GLB1L3: variants seen among roughly 807,000 people sequenced by gnomAD.
GLB1L3 encodes beta-galactosidase-1-like protein 3.
Under a neutral mutation model 89.5 loss-of-function variants are expected in GLB1L3, and 89 were observed. That is an observed-to-expected ratio of 0.99 (90% CI 0.84 to 1.19). GLB1L3 has a LOEUF of 1.19. GLB1L3 is among the 50% of genes most tolerant of loss of function. The pLI is 0.00. For missense variants in GLB1L3, 812 were observed against 813.3 expected, an observed-to-expected ratio of 1.00 and a Z score of 0.02; for synonymous variants, 314 against 312.3, an observed-to-expected ratio of 1.01 and a Z score of -0.06.
chr11:134,277,922 G>T lies in GLB1L3; in HGVS notation c.362+10G>T. On this transcript the variant is annotated intron_variant, in intron 3 of 19. Transcript: ENST00000431683. ...TCAATACTGTCACCACGTGAGTGCC[G>T]GCCCCTCACCTCCAGGATCTCGTTA... 2 of 1,612,442 alleles carry T rather than the reference G, an allele frequency of 1.2e-6. No individual in the cohort carries two copies. Among genetic ancestry groups the T allele is most frequent in the Non-Finnish European group, 1.7e-6 (2 of 1,179,362 alleles).
At chr11:134,313,133 C>A (rs1942824901) in intron 15 of GLB1L3, among the ~76,000 whole-genome samples, 1 of 152,186 alleles carries the variant, frequency 6.6e-6, no homozygotes, top group Non-Finnish European at 1.5e-5. Context: ...TGTCCTCAGC[C>A]CCTGGTTGGG....
In GLB1L3 at chr11:134,298,374, A is replaced by G. The variant is rs570724390; in HGVS notation, c.876+5165A>G. Among the ~76,000 whole-genome samples the G allele has an allele frequency of 1.4e-4, 22 of 152,320 alleles. No individual in the cohort carries two copies. In the East Asian group the frequency reaches 3.9e-3, roughly 27 times the overall value. On this transcript the variant is annotated intron_variant, in intron 9 of 19. Transcript: ENST00000431683. Reference sequence around the variant, plus strand: ...AAAAACAACTAAAGCAAAGAAAACCAAAGACCAATTTCCCTTATGAACATG... The same window carrying G: ...AAAAACAACTAAAGCAAAGAAAACCGAAGACCAATTTCCCTTATGAACATG...
intron 18 of GLB1L3, among the ~76,000 whole-genome samples, chr11:134,318,338 A>T (rs1372398973): frequency 6.6e-6 from 1 of 152,176 alleles, no homozygotes; most frequent in Non-Finnish European, 1.5e-5. Context: ...GTTCATCACT[A>T]TTACCTGATA....
At chr11:134,299,661 C>T (rs372493448) in intron 9 of GLB1L3, among the ~76,000 whole-genome samples, 12 of 152,100 alleles carry the variant, frequency 7.9e-5, no homozygotes, top group East Asian at 5.8e-4. Flanking sequence ...CTGTTGCTTG[C>T]GGATCTCTCA....
chr11:134,301,287 A>G (rs986670653), intron 9 of GLB1L3, among the ~76,000 whole-genome samples: 3 of 152,144 alleles, frequency 2.0e-5, no homozygotes, highest in African/African-American at 4.8e-5. Context: ...CGCTGTGAGG[A>G]TGGGATTTAT....
intron 11 of GLB1L3, chr11:134,309,987 C>T: frequency 1.8e-6 from 1 of 570,730 alleles, no homozygotes; most frequent in Non-Finnish European, 3.1e-6. Context: ...CTCCGCTTCA[C>T]ACATCTGGTA....
At chr11:134,305,696 A>G (rs146825549) in intron 9 of GLB1L3, among the ~76,000 whole-genome samples, 1 of 152,192 alleles carries the variant, frequency 6.6e-6, no homozygotes, top group Non-Finnish European at 1.5e-5. Flanking sequence ...AAATCAGGGA[A>G]CATGGAGTTA....
At position 134,277,740 on chromosome 11, in the gene GLB1L3, C is replaced by T; in HGVS notation, c.190C>T (p.Arg64Ter). ...TCTGACCCCTCTGGAGCTGAAGAAT[C>T]GATCTGTGGGACTTGGAACTGAAAG... ...SHLTPLELKN[R>*]SVGLGTESTG... Residue 64 changes from arginine (R) to a stop codon, truncating the protein, a stop_gained, in exon 3 of 20, where the codon CGA becomes TGA. Coordinates refer to ENST00000431683, the MANE Select transcript of GLB1L3 (RefSeq NM_001080407.3). LOFTEE classifies it high-confidence loss of function. 6.2e-7 allele frequency: 1 copy of T among 1,613,024 alleles called. No homozygotes were observed. The highest frequency in any genetic ancestry group is 8.5e-7 in the Non-Finnish European group (1 of 1,179,548).
Position 134,281,962 on chromosome 11 carries a change from T to C in GLB1L3, c.432-63T>C. On this transcript the variant is annotated intron_variant, in intron 4 of 19. Transcript: ENST00000431683. The stretch of plus-strand genomic sequence containing the variant: ...CAGCTCCTCCACCCTGTGATGCGTG[T>C]GGCCCCCACCCGGCCTCATCCTGGG... 3.0e-6 allele frequency: 4 copies of C among 1,319,838 alleles called. No homozygotes were observed. The South Asian group carries it at 5.4e-5, about 18-fold the overall frequency. 81.8% of individuals were successfully genotyped at this position (1,319,838 alleles called of 1,614,324 possible).
intron 9 of GLB1L3, among the ~76,000 whole-genome samples, chr11:134,299,613 C>T (rs114250695): frequency 0.011 from 1,644 of 152,274 alleles, 21 homozygotes; most frequent in African/African-American, 0.037. Context: ...CTGCATTCCC[C>T]TCTGAGTCTC....
Position 134,293,173 on chromosome 11 carries a change from T to G in GLB1L3, c.840T>G (p.Leu280=), listed in dbSNP as rs1941453589. The G allele has an allele frequency of 6.2e-7, 1 of 1,613,860 alleles. No homozygotes were observed. Among genetic ancestry groups the G allele is most frequent in the East Asian group, 2.2e-5 (1 of 44,878 alleles). The change falls in exon 9 of 20, where the codon CTT becomes CTG. Residue 280 remains leucine, a synonymous_variant. Coordinates refer to ENST00000431683, the MANE Select transcript of GLB1L3 (RefSeq NM_001080407.3). ...GVLAAINLQK[L]HQDTFNQLHK... is the part of the protein sequence containing the mutation. ...TGGCCGCCATCAATTTGCAAAAACTTCACCAGGATACTTTCAATCAGCTTC... is the reference window on the plus strand; with the variant it reads ...TGGCCGCCATCAATTTGCAAAAACTGCACCAGGATACTTTCAATCAGCTTC...
chr11:134,294,791 A>T (rs1321383385), intron 9 of GLB1L3, among the ~76,000 whole-genome samples: 3 of 152,190 alleles, frequency 2.0e-5, no homozygotes, highest in Non-Finnish European at 2.9e-5. Flanking sequence ...TTCGAGGTCC[A>T]TTTATGCATG....
chr11:134,277,300 G>C, intron 1 of GLB1L3, 26 bp from the exon 2 acceptor site: 2 of 1,613,646 alleles, frequency 1.2e-6, no homozygotes, highest in Non-Finnish European at 1.7e-6. Flanking sequence ...CCTTCCCCTT[G>C]TCACTGTTGT....
intron 9 of GLB1L3, among the ~76,000 whole-genome samples, chr11:134,298,944 G>T (rs888490213): frequency 6.6e-6 from 1 of 152,106 alleles, no homozygotes; most frequent in African/African-American, 2.4e-5. Context: ...CAAATCGCAC[G>T]TACATTAGAC....
intron 6 of GLB1L3, among the ~76,000 whole-genome samples, chr11:134,285,478 C>T (rs1029311000): frequency 2.0e-5 from 3 of 151,988 alleles, no homozygotes; most frequent in Non-Finnish European, 2.9e-5. Context: ...TGATGCAGCT[C>T]GAGATGGGAT....
chr11:134,281,656 C>T (rs1940694084), intron 4 of GLB1L3, among the ~76,000 whole-genome samples: 1 of 128,590 alleles, frequency 7.8e-6, no homozygotes, highest in Admixed American at 8.4e-5. Context: ...CGGGCCCCAC[C>T]TCTCCACTGC....
chr11:134,310,118 G>T, intron 11 of GLB1L3: 1 of 396,622 alleles, frequency 2.5e-6, no homozygotes, highest in Admixed American at 3.7e-5. Flanking sequence ...ACCCGTTGAA[G>T]GGGTGTCCAC....
At chr11:134,277,657 C>T in intron 2 of GLB1L3, 43 bp from the exon 3 acceptor site, 3 of 1,571,356 alleles carry the variant, frequency 1.9e-6, no homozygotes, top group Non-Finnish European at 2.6e-6. Flanking sequence ...CTCCCGAATC[C>T]TCTCTCCCTT....
At chr11:134,303,632 A>G (rs1448432922) in intron 9 of GLB1L3, among the ~76,000 whole-genome samples, 1 of 152,234 alleles carries the variant, frequency 6.6e-6, no homozygotes, top group Non-Finnish European at 1.5e-5. Flanking sequence ...TGGCCACTCC[A>G]TCAGATGCAT....
Sources: allele counts gnomAD v4.1 joint callset (sites outside exome capture counted in the v4.1 genomes callset), GRCh38; gene constraint gnomAD v4.1.1; transcripts MANE v1.5; gene names NCBI Gene and HGNC (gene_info 2026-07-23, HGNC 2026-07-21).